ZNF469: variants seen among roughly 807,000 people sequenced by gnomAD.
ZNF469 encodes zinc finger protein 469.
Under a neutral mutation model 1.0 loss-of-function variants are expected in ZNF469, and 1 was observed. The observed-to-expected ratio is 1.00, with a 90% confidence interval of 0.35 to 4.73. The LOEUF is 4.73. ZNF469 is among the 30% of genes most tolerant of loss of function. The pLI is 0.16. For missense variants in ZNF469, 6,100 were observed against 5,356.3 expected (o/e 1.14, Z -4.33); for synonymous variants, 2,703 against 2,363.4 (o/e 1.14, Z -4.17).
At chr16:88,348,162 A>C in the ZNF469 span, among the ~76,000 whole-genome samples, 10 of 152,172 alleles carry the variant, frequency 6.6e-5, no homozygotes, top group Admixed American at 6.5e-4. Flanking sequence ...CAGCAGCAGA[A>C]GCGATCCTTT....
the ZNF469 span, among the ~76,000 whole-genome samples, chr16:88,229,085 C>G: frequency 7.5e-3 from 1,143 of 152,328 alleles, 18 homozygotes; most frequent in African/African-American, 0.027. Flanking sequence ...TTTTCCAAAA[C>G]TTCAAACATG....
the ZNF469 span, among the ~76,000 whole-genome samples, chr16:88,121,712 C>T: frequency 6.6e-6 from 1 of 152,216 alleles, no homozygotes; most frequent in Non-Finnish European, 1.5e-5. Flanking sequence ...CCCTGCCTTC[C>T]TAATCCTAAA....
chr16:88,116,321 G>T, the ZNF469 span, among the ~76,000 whole-genome samples: 1 of 152,200 alleles, frequency 6.6e-6, no homozygotes, highest in Non-Finnish European at 1.5e-5. Flanking sequence ...TGATGTTGCG[G>T]TGTAGACACA....
At chr16:88,364,284 T>A in the ZNF469 span, among the ~76,000 whole-genome samples, 1 of 152,152 alleles carries the variant, frequency 6.6e-6, no homozygotes, top group Non-Finnish European at 1.5e-5. Context: ...TATGTACAGA[T>A]TTATTTCTGA....
chr16:88,233,358 T>C, the ZNF469 span, among the ~76,000 whole-genome samples: 7 of 152,232 alleles, frequency 4.6e-5, no homozygotes, highest in African/African-American at 1.7e-4. Flanking sequence ...GTTTGTCAAT[T>C]CCTTTTGTCC....
Position 88,437,354 on chromosome 16 carries a change from C to T in ZNF469, c.9884C>T (p.Ala3295Val), listed in dbSNP as rs1373372707. ...AATPDSASAT[A>V]LADAGSPGPP... ...ACCCCAGACAGCGCCTCTGCCACCGCCCTGGCTGACGCCGGCAGCCCGGGC... is the reference window on the plus strand; with the variant it reads ...ACCCCAGACAGCGCCTCTGCCACCGTCCTGGCTGACGCCGGCAGCCCGGGC... Residue 3295 changes from alanine to valine, a missense_variant, in exon 3 of 3, where the codon GCC becomes GTC. Physicochemically the swap from Ala to Val is moderately conservative, Grantham distance 64 (BLOSUM62 0). Coordinates refer to ENST00000565624, the MANE Select transcript of ZNF469 (RefSeq NM_001367624.2). 29 of 1,543,078 alleles carry T rather than the reference C, an allele frequency of 1.9e-5. No homozygotes were observed. Among genetic ancestry groups the T allele is most frequent in the Non-Finnish European group, 2.4e-5 (28 of 1,143,586 alleles).
At chr16:88,206,778 T>G in the ZNF469 span, among the ~76,000 whole-genome samples, 1 of 147,674 alleles carries the variant, frequency 6.8e-6, no homozygotes, top group East Asian at 2.0e-4. Flanking sequence ...TCCCACTTGG[T>G]ATCTCTGTGG....
the ZNF469 span, among the ~76,000 whole-genome samples, chr16:88,332,228 A>C: frequency 3.9e-5 from 6 of 152,260 alleles, no homozygotes; most frequent in Non-Finnish European, 7.3e-5. Context: ...ACTCATAGGA[A>C]ATCAGCATTC....
intron 1 of ZNF469, among the ~76,000 whole-genome samples, chr16:88,386,066 C>A (rs193264494): frequency 3.9e-5 from 6 of 152,270 alleles, no homozygotes; most frequent in African/African-American, 1.4e-4. Flanking sequence ...GAGGCACAAG[C>A]GGCCCGGTCC....
the ZNF469 span, among the ~76,000 whole-genome samples, chr16:88,125,870 G>A: frequency 1.6e-4 from 25 of 152,252 alleles, no homozygotes; most frequent in Non-Finnish European, 3.5e-4. Context: ...CTGAGACCCT[G>A]CTTAGTTCTA....
the ZNF469 span, among the ~76,000 whole-genome samples, chr16:88,301,550 C>T: frequency 5.1e-4 from 78 of 152,234 alleles, no homozygotes; most frequent in Admixed American, 2.0e-3. Flanking sequence ...CGAACAGCCT[C>T]TCCAGGGCAC....
the ZNF469 span, among the ~76,000 whole-genome samples, chr16:88,129,907 A>C: frequency 1.3e-5 from 2 of 152,202 alleles, no homozygotes; most frequent in Non-Finnish European, 2.9e-5. Flanking sequence ...CAGCCACCGA[A>C]GCCCCTCCGA....
At chr16:88,414,960 G>T (rs71394097) in intron 1 of ZNF469, among the ~76,000 whole-genome samples, 34 of 152,246 alleles carry the variant, frequency 2.2e-4, no homozygotes, top group Non-Finnish European at 3.8e-4. Context: ...AGTGGGAACA[G>T]CAGGGTCAGC....
the ZNF469 span, among the ~76,000 whole-genome samples, chr16:88,245,061 G>C: frequency 6.6e-6 from 1 of 152,052 alleles, no homozygotes; most frequent in Non-Finnish European, 1.5e-5. Context: ...TAGGGCAAAG[G>C]AATTTTGTTT....
chr16:88,404,544 A>T (rs12926062), intron 1 of ZNF469, among the ~76,000 whole-genome samples: 3,122 of 152,180 alleles, frequency 0.021, 30 homozygotes, highest in Admixed American at 0.029. Flanking sequence ...CACAGTGGGG[A>T]TGTCGTCTGT....
At chr16:88,185,723 TGCATACACAC>T in the ZNF469 span, among the ~76,000 whole-genome samples, 535 of 144,874 alleles carry the variant, frequency 3.7e-3, 11 homozygotes, top group Non-Finnish European at 7.8e-4. Context: ...ATATAGTACA[TGCATACACAC>T]GCATACACAC....
At chr16:88,299,788 G>A in the ZNF469 span, among the ~76,000 whole-genome samples, 1 of 152,182 alleles carries the variant, frequency 6.6e-6, no homozygotes, top group Non-Finnish European at 1.5e-5. Context: ...CAAGACAGGG[G>A]ACTCAGGCCC....
the ZNF469 span, among the ~76,000 whole-genome samples, chr16:88,153,496 G>A: frequency 6.6e-6 from 1 of 152,248 alleles, no homozygotes; most frequent in Non-Finnish European, 1.5e-5. Context: ...TTTTTCCCGA[G>A]TGGGTAGAAG....
the ZNF469 span, among the ~76,000 whole-genome samples, chr16:88,133,988 G>A: frequency 2.0e-3 from 309 of 151,506 alleles, 5 homozygotes; most frequent in African/African-American, 7.3e-3. Flanking sequence ...CCAGCTACTC[G>A]AGAGGCTGAG....
Sources: gnomAD v4.1 joint callset for allele counts (sites outside exome capture counted in the v4.1 genomes callset) on GRCh38, gnomAD v4.1.1 for gene constraint, MANE v1.5 for transcripts, NCBI Gene and HGNC (gene_info 2026-07-23, HGNC 2026-07-21) for gene names.